Variants in C1QTNF9B observed in about 807,000 individuals in gnomAD.
The protein encoded by C1QTNF9B is C1q and TNF related 9B, also known as complement C1q and tumor necrosis factor-related protein 9B.
C1QTNF9B carries 9 observed loss-of-function variants against 10.1 expected under a neutral mutation model. The observed-to-expected ratio is 0.89, with a 90% CI of 0.53 to 1.55. The LOEUF is 1.55. Ranked by LOEUF, C1QTNF9B falls within the 40% of genes most tolerant of loss-of-function variation. The probability of loss-of-function intolerance (pLI) is 0.00; values close to 1 mark genes in which losing one functional copy is unlikely to be tolerated. For missense variants in C1QTNF9B, 196 were observed against 414.4 expected (o/e 0.47, Z 4.58); for synonymous variants, 79 against 159.9 (o/e 0.49, Z 3.82).
chr13:23,896,088 A>T (rs545791450), intron 1 of C1QTNF9B, among the ~76,000 whole-genome samples: 2 of 152,342 alleles, frequency 1.3e-5, no homozygotes, highest in South Asian at 4.1e-4. Flanking sequence ...AGAAGTTTTG[A>T]TATTTTCTTT....
rs774283473 is a variant in C1QTNF9B at position 23,891,743 on chromosome 13, C to T, written c.548G>A (p.Trp183Ter). The change falls in exon 3 of 3, where the codon TGG becomes TAG. Residue 183 changes from tryptophan to a stop codon, truncating the protein, a stop_gained. Transcript: ENST00000382137. LOFTEE classifies it low-confidence loss of function (END_TRUNC). ...CCCTTTCTCTCCTCGATCTCCTTTCCAGCCTCTTATTCCCCGGACTCCTGG... is the reference window on the plus strand; with the variant it reads ...CCCTTTCTCTCCTCGATCTCCTTTCTAGCCTCTTATTCCCCGGACTCCTGG... 99 of 1,613,930 alleles carry T rather than the reference C, an allele frequency of 6.1e-5. No individual in the cohort carries two copies. In the East Asian group the frequency reaches 2.0e-3, roughly 32 times the overall value.
In C1QTNF9B at chr13:23,895,721, A is replaced by G. The variant is rs1377076993; in HGVS notation, c.166+1100T>C. 5.9e-5 allele frequency among the ~76,000 whole-genome samples: 9 copies of G among 151,414 alleles called. No homozygotes were observed. In the Admixed American group the frequency reaches 6.0e-4, roughly 10 times the overall value. The stretch of plus-strand genomic sequence containing the variant: ...AAAAATTTAAAAAATGAAAATCCTA[A>G]ACATTCAGAAATAAAATACACACAG... On this transcript the variant is annotated intron_variant, in intron 1 of 2. Coordinates refer to ENST00000382137, the Ensembl canonical transcript of C1QTNF9B.
At chr13:23,895,271 A>G (rs1225457580) in intron 1 of C1QTNF9B, among the ~76,000 whole-genome samples, 1 of 151,846 alleles carries the variant, frequency 6.6e-6, no homozygotes, top group Non-Finnish European at 1.5e-5. Context: ...CTGAGCTTTC[A>G]TGATCACGCA....
intron 1 of C1QTNF9B, among the ~76,000 whole-genome samples, chr13:23,896,038 G>C (rs1277577475): frequency 6.6e-6 from 1 of 152,216 alleles, no homozygotes; most frequent in Non-Finnish European, 1.5e-5. Flanking sequence ...CATAAAGTGA[G>C]ACATGTTAGA....
intron 2 of C1QTNF9B, 77 bp downstream of exon 4, chr13:23,894,062 T>C: frequency 7.4e-7 from 1 of 1,353,642 alleles, no homozygotes; most frequent in Non-Finnish European, 1.1e-6. Context: ...ATAATCAGCA[T>C]GGAGGACTTG....
intron 2 of C1QTNF9B, among the ~76,000 whole-genome samples, chr13:23,892,421 A>G (rs1390905179): frequency 1.3e-5 from 2 of 152,218 alleles, no homozygotes; most frequent in Non-Finnish European, 2.9e-5. Flanking sequence ...TTGGGAGGCC[A>G]AGAGAGGCAG....
rs533760617 is a variant in C1QTNF9B at position 23,896,734 on chromosome 13, G to A, written c.166+87C>T. 433 of 1,568,222 alleles carry A rather than the reference G, an allele frequency of 2.8e-4. 5 individuals are homozygous for A. In the Middle Eastern group the frequency reaches 3.8e-3, roughly 14 times the overall value. On this transcript the variant is annotated intron_variant, in intron 1 of 2. Transcript: ENST00000382137. ...TGGATGGATGGGTTGTGAGTGGGTA[G>A]GTGGAAAACCACACAGATGATGAGT...
At chr13:23,893,502 T>C (rs9510927) in intron 2 of C1QTNF9B, among the ~76,000 whole-genome samples, 57,964 of 152,026 alleles carry the variant, frequency 0.38, 11,196 homozygotes, top group East Asian at 0.45. Context: ...ACAGGGTCAC[T>C]CACTCTGTTA....
intron 1 of C1QTNF9B, among the ~76,000 whole-genome samples, chr13:23,895,985 G>C (rs1416094626): frequency 6.6e-6 from 1 of 152,138 alleles, no homozygotes; most frequent in Non-Finnish European, 1.5e-5. Context: ...GTGACCCTTG[G>C]CTTCATCCAG....
In C1QTNF9B at chr13:23,891,987, G is replaced by C. The variant is rs772141574; in HGVS notation, c.304C>G (p.Pro102Ala). ...CCCATGGGCCCTGCAAGCCCCTTGG[G>C]GCCATGTTTTCCTGGGGATCCTCTT... is the stretch of plus-strand genomic sequence containing the variant. The change falls in exon 3 of 3, where the codon CCC (proline) becomes GCC (alanine). Residue 102 changes from proline (P) to alanine (A), a missense_variant. Physicochemically the swap from Pro to Ala is conservative, Grantham distance 27. Around this residue, in one of 5 missense-constraint regions of C1QTNF9B, gnomAD observed 48 missense variants for 148.5 expected, o/e 0.32. Coordinates refer to ENST00000382137, the Ensembl canonical transcript of C1QTNF9B. 5.6e-6 allele frequency: 9 copies of C among 1,614,058 alleles called. No homozygotes were observed. The East Asian group carries it at 1.1e-4, about 20-fold the overall frequency.
In C1QTNF9B at chr13:23,894,218, A is replaced by C; in HGVS notation, c.167-17T>G. 1 of 1,473,480 alleles carries C rather than the reference A, an allele frequency of 6.8e-7. No homozygotes were observed. The highest frequency in any genetic ancestry group is 1.1e-5 in the South Asian group (1 of 88,920). 91.3% of individuals were successfully genotyped at this position (1,473,480 alleles called of 1,614,324 possible). A position where few individuals can be genotyped will look rare whatever the true frequency, so the allele number is the denominator to read the frequency against. On this transcript the variant is annotated splice_polypyrimidine_tract_variant and intron_variant, in intron 1 of 2. Coordinates refer to ENST00000382137, the Ensembl canonical transcript of C1QTNF9B. ...CTGGTTCTCCTAGGTGGAAAAGCAG[A>C]AAACAGGCATGAGTTGAAATTCCAT...
chr13:23,895,319 T>C (rs1872158224), intron 1 of C1QTNF9B, among the ~76,000 whole-genome samples: 1 of 152,026 alleles, frequency 6.6e-6, no homozygotes, highest in Admixed American at 6.6e-5. Context: ...CCCCAATCAG[T>C]AGACATTTAT....
exon 1 of C1QTNF9B, chr13:23,896,872 G>A (rs374289041): frequency 4.5e-5 from 73 of 1,614,046 alleles, no homozygotes; most frequent in Non-Finnish European, 6.0e-5. Context: ...CTTCCAGGCA[G>A]ACCATTGTGA....
upstream of C1QTNF9B, chr13:23,897,115 C>T (rs1400042318): frequency 2.2e-6 from 3 of 1,337,078 alleles, no homozygotes; most frequent in Admixed American, 4.4e-5. Context: ...CTGCCCCAGA[C>T]CCACACCTGG....
intron 1 of C1QTNF9B, chr13:23,894,534 G>C: frequency 1.8e-6 from 1 of 570,888 alleles, no homozygotes; most frequent in South Asian, 1.5e-5. Flanking sequence ...CCTCTCCTGC[G>C]ACAAGGACTT....
In C1QTNF9B at chr13:23,892,217, G is replaced by A. The variant is rs374280710; in HGVS notation, c.230-156C>T. ...AAATTCAATTACTCCATCTGGGTGC[G>A]GTGGCTCACACCTGTAATCCTAGCA... On this transcript the variant is annotated intron_variant, in intron 2 of 2. Coordinates refer to ENST00000382137, the Ensembl canonical transcript of C1QTNF9B. 4.3e-5 allele frequency: 59 copies of A among 1,372,370 alleles called. No homozygotes were observed. In the South Asian group the frequency reaches 5.7e-4, roughly 13 times the overall value. The allele number at this position is 1,372,370 out of a possible 1,614,324, so 85.0% of individuals were successfully genotyped here.
At chr13:23,891,162 T>A in exon 3 of C1QTNF9B, 1 of 1,007,246 alleles carries the variant, frequency 9.9e-7, no homozygotes, top group East Asian at 2.7e-5. Flanking sequence ...TGGGAATAAC[T>A]TTTCCGTTTT....
intron 2 of C1QTNF9B, among the ~76,000 whole-genome samples, chr13:23,892,600 A>ATC (rs1204042494): frequency 6.6e-6 from 1 of 152,206 alleles, no homozygotes; most frequent in African/African-American, 2.4e-5. Flanking sequence ...GGCTGCAGTG[A>ATC]TCCGTGATCA....
intron 1 of C1QTNF9B, among the ~76,000 whole-genome samples, chr13:23,895,344 T>A (rs1187606084): frequency 6.6e-6 from 1 of 152,264 alleles, no homozygotes; most frequent in African/African-American, 2.4e-5. Context: ...TTCTACATTA[T>A]GCACAGGTAG....
Sources: gnomAD v4.1 joint callset for allele counts (sites outside exome capture counted in the v4.1 genomes callset) on GRCh38, gnomAD v4.1.1 for gene constraint, gnomAD v4.1.1 regional missense constraint, MANE v1.5 for transcripts, NCBI Gene and HGNC (gene_info 2026-07-23, HGNC 2026-07-21) for gene names.